Variants in MEF2A observed in about 807,000 individuals in gnomAD.
MEF2A encodes the protein myocyte-specific enhancer factor 2A.
In MEF2A, 28 loss-of-function variants were observed where a neutral mutation model predicts 55.8. The ratio of observed to expected loss-of-function variants is 0.50; its 90% CI spans 0.37 to 0.69. The LOEUF is 0.69. Among genes scored for constraint, MEF2A ranks in the 30% least tolerant of loss-of-function variants. The pLI is 0.00. For missense variants in MEF2A, 528 were observed against 626.2 expected, an observed-to-expected ratio of 0.84 and a Z score of 1.67; for synonymous variants, 239 against 227.1, an observed-to-expected ratio of 1.05 and a Z score of -0.47.
intron 2 of MEF2A, among the ~76,000 whole-genome samples, chr15:99,602,659 T>G (rs1192136634): frequency 1.7e-4 from 17 of 98,420 alleles, no homozygotes; most frequent in African/African-American, 3.3e-4. Flanking sequence ...CTGGGGTGTG[T>G]GTGTGTGTGT....
intron 2 of MEF2A, among the ~76,000 whole-genome samples, chr15:99,613,590 A>T (rs2039673027): frequency 6.6e-6 from 1 of 152,160 alleles, no homozygotes; most frequent in South Asian, 2.1e-4. Flanking sequence ...AGTAGTGGGA[A>T]GTAAGAAGCT....
intron 4 of MEF2A, among the ~76,000 whole-genome samples, chr15:99,659,878 A>C (rs992391629): frequency 6.6e-6 from 1 of 152,220 alleles, no homozygotes; most frequent in Non-Finnish European, 1.5e-5. Context: ...TAATTTAACA[A>C]ATGTAATAAA....
chr15:99,628,697 C>T (rs1361345806), intron 2 of MEF2A, among the ~76,000 whole-genome samples: 1 of 152,112 alleles, frequency 6.6e-6, no homozygotes, highest in Non-Finnish European at 1.5e-5. Context: ...TGCTATCCTC[C>T]CCTATTATGT....
At chr15:99,707,900 G>T (rs1270777401) in intron 10 of MEF2A, among the ~76,000 whole-genome samples, 1 of 151,390 alleles carries the variant, frequency 6.6e-6, no homozygotes, top group African/African-American at 2.4e-5. Context: ...ATTCTAAGAA[G>T]TTCTTTTAAA....
chr15:99,630,710 C>G (rs1353180901), intron 2 of MEF2A, among the ~76,000 whole-genome samples: 5 of 152,138 alleles, frequency 3.3e-5, no homozygotes, highest in African/African-American at 1.2e-4. Flanking sequence ...GTAGTTGGCC[C>G]GGATTGCCTT....
Position 99,710,722 on chromosome 15 carries a change from G to T in MEF2A, c.1098G>T (p.Gln366His). ...MLSLGQVSAW[Q>H]QHHLGQAALS... Reference sequence around the variant, plus strand: ...CGCTGGGACAGGTGTCGGCCTGGCAGCAGCACCACCTAGGACAAGCAGCCC... The same window carrying T: ...CGCTGGGACAGGTGTCGGCCTGGCATCAGCACCACCTAGGACAAGCAGCCC... The change falls in exon 11 of 12, where the codon CAG (glutamine) becomes CAT (histidine). Residue 366 changes from glutamine to histidine, a missense_variant. Physicochemically the swap from Gln to His is conservative, Grantham distance 24 (BLOSUM62 0). This residue lies in a region of MEF2A where 450 missense variants were observed against 475.3 expected (regional missense o/e 0.95). Transcript: ENST00000557942. 1 of 1,613,130 alleles carries T rather than the reference G, an allele frequency of 6.2e-7. No individual in the cohort carries two copies. Among genetic ancestry groups the T allele is most frequent in the Non-Finnish European group, 8.5e-7 (1 of 1,179,148 alleles).
At chr15:99,584,355 T>A (rs537479941) in intron 1 of MEF2A, among the ~76,000 whole-genome samples, 1 of 152,298 alleles carries the variant, frequency 6.6e-6, no homozygotes, top group Admixed American at 6.5e-5. Flanking sequence ...AATGAACACA[T>A]AGATTCATGT....
intron 2 of MEF2A, among the ~76,000 whole-genome samples, chr15:99,602,638 G>A (rs528885963): frequency 1.4e-5 from 2 of 146,952 alleles, no homozygotes; most frequent in Middle Eastern, 3.5e-3. Context: ...CCTGGTGGTT[G>A]CCTGACATTC....
intron 1 of MEF2A, among the ~76,000 whole-genome samples, chr15:99,597,551 C>T (rs1971631179): frequency 6.6e-6 from 1 of 152,170 alleles, no homozygotes; most frequent in East Asian, 1.9e-4. Flanking sequence ...CCTGCCTCCA[C>T]TTGCCTTGTC....
chr15:99,575,929 T>G (rs553374826), intron 1 of MEF2A, among the ~76,000 whole-genome samples: 1 of 152,234 alleles, frequency 6.6e-6, no homozygotes, highest in East Asian at 1.9e-4. Flanking sequence ...ATTTGGTTAG[T>G]GGAAACTTCT....
At chr15:99,616,757 C>T (rs1465769022) in intron 2 of MEF2A, among the ~76,000 whole-genome samples, 1 of 151,906 alleles carries the variant, frequency 6.6e-6, no homozygotes, top group East Asian at 1.9e-4. Flanking sequence ...TTTTGGGTAC[C>T]GGATATCTGT....
chr15:99,604,162 T>C (rs1974274747), intron 2 of MEF2A, among the ~76,000 whole-genome samples: 1 of 152,200 alleles, frequency 6.6e-6, no homozygotes, highest in Non-Finnish European at 1.5e-5. Context: ...TTCTTTGCAA[T>C]AATGCTGCCT....
chr15:99,711,058 AC>A, intron 11 of MEF2A, among the ~76,000 whole-genome samples: 1 of 152,244 alleles, frequency 6.6e-6, no homozygotes, highest in Admixed American at 6.5e-5. Flanking sequence ...CACAGATACC[AC>A]CCGCATGCAC....
intron 2 of MEF2A, among the ~76,000 whole-genome samples, chr15:99,604,526 A>T (rs1458117801): frequency 6.6e-6 from 1 of 151,872 alleles, no homozygotes; most frequent in Non-Finnish European, 1.5e-5. Flanking sequence ...CTTCTGTAAC[A>T]TACTAAGTTT....
chr15:99,701,029 G>T (rs2057337521), intron 8 of MEF2A, among the ~76,000 whole-genome samples: 1 of 152,150 alleles, frequency 6.6e-6, no homozygotes, highest in Non-Finnish European at 1.5e-5. Flanking sequence ...ATTGTTGCAG[G>T]CAAAGTCAGT....
chr15:99,585,714 A>G (rs1596297199), intron 1 of MEF2A, among the ~76,000 whole-genome samples: 1 of 152,310 alleles, frequency 6.6e-6, no homozygotes, highest in East Asian at 1.9e-4. Flanking sequence ...CTTAATTCTC[A>G]CAACTGAACT....
At chr15:99,674,756 G>C in intron 6 of MEF2A, 144 bp downstream of exon 6, 1 of 694,034 alleles carries the variant, frequency 1.4e-6, no homozygotes, top group Non-Finnish European at 2.4e-6. Context: ...TCATTTTAAA[G>C]TATTTTTTTG....
chr15:99,667,948 A>C (rs2153610068), intron 4 of MEF2A, among the ~76,000 whole-genome samples: 1 of 152,306 alleles, frequency 6.6e-6, no homozygotes, highest in African/African-American at 2.4e-5. Context: ...ATATTTCAGT[A>C]TCCTTACATA....
chr15:99,645,401 AGC>A (rs1177184142), intron 3 of MEF2A, among the ~76,000 whole-genome samples, 158 bp from the exon 4 acceptor site: 3 of 152,220 alleles, frequency 2.0e-5, no homozygotes, highest in Non-Finnish European at 4.4e-5. Flanking sequence ...GTAGGACTGT[AGC>A]ACAACAGGAG....
Sources: allele counts gnomAD v4.1 joint callset (sites outside exome capture counted in the v4.1 genomes callset), GRCh38; gene constraint gnomAD v4.1.1; regional missense constraint gnomAD v4.1.1; transcripts MANE v1.5; gene names NCBI Gene and HGNC (gene_info 2026-07-23, HGNC 2026-07-21).